Variants in AKAP13 observed in about 807,000 individuals in gnomAD.
AKAP13 encodes the protein A-kinase anchor protein 13.
AKAP13 carries 80 observed loss-of-function variants against 264.5 expected under a neutral mutation model. The observed-to-expected ratio is 0.30, with a 90% CI of 0.25 to 0.36. AKAP13 has a LOEUF of 0.36. AKAP13 is among the 10% of genes least tolerant of loss of function. AKAP13 has a pLI of 1.00. For synonymous variants in AKAP13, 1,380 were observed against 1,250.2 expected (o/e 1.10, Z -2.19); for missense variants, 3,712 against 3,435.2 (o/e 1.08, Z -2.01).
chr15:85,684,621 G>T, intron 15 of AKAP13, 120 bp from the exon 16 acceptor site: 1 of 1,019,490 alleles, frequency 9.8e-7, no homozygotes, highest in Non-Finnish European at 1.4e-6. Flanking sequence ...CAGAACCTGG[G>T]CGTTGTGGCA....
intron 30 of AKAP13, among the ~76,000 whole-genome samples, chr15:85,730,975 G>GT (rs915156011): frequency 1.2e-4 from 12 of 103,988 alleles, no homozygotes; most frequent in African/African-American, 4.4e-4. Flanking sequence ...TATTCTGACT[G>GT]TTTTTTAATT....
intron 1 of AKAP13, among the ~76,000 whole-genome samples, chr15:85,406,231 C>T (rs1226681521): frequency 2.6e-5 from 4 of 152,140 alleles, no homozygotes; most frequent in South Asian, 4.1e-4. Flanking sequence ...GCACACCCCA[C>T]GGTAGTGCAG....
rs150716778 is a variant in AKAP13 at position 85,530,153 on chromosome 15, C to G, written c.182-3431C>G. Among the ~76,000 whole-genome samples the G allele has an allele frequency of 1.5e-4, 23 of 152,258 alleles. No individual in the cohort carries two copies. In the East Asian group the frequency reaches 4.2e-3, roughly 28 times the overall value. On this transcript the variant is annotated intron_variant, in intron 3 of 36. Transcript: ENST00000394518. Reference sequence around the variant, plus strand: ...GAAAGAGATAAGCATACTGTTGTTGCCAAGCACAACCCCCGCGCCCCAACA... The same window carrying G: ...GAAAGAGATAAGCATACTGTTGTTGGCAAGCACAACCCCCGCGCCCCAACA...
chr15:85,737,007 C>G (rs1340784030), intron 33 of AKAP13, among the ~76,000 whole-genome samples: 2 of 143,152 alleles, frequency 1.4e-5, no homozygotes, highest in East Asian at 4.4e-4. Flanking sequence ...CAACCTCCAT[C>G]TCCTGGATTC....
intron 12 of AKAP13, among the ~76,000 whole-genome samples, chr15:85,661,026 G>A (rs769347252): frequency 1.6e-4 from 24 of 152,118 alleles, no homozygotes; most frequent in African/African-American, 2.4e-4. Flanking sequence ...GGAGGGAGCC[G>A]AGTGGTTTTA....
chr15:85,499,754 C>T (rs1390112084), intron 2 of AKAP13, among the ~76,000 whole-genome samples: 2 of 152,092 alleles, frequency 1.3e-5, no homozygotes, highest in African/African-American at 4.8e-5. Context: ...AGCTTTCATC[C>T]TCCTGTGGAT....
chr15:85,487,998 A>C (rs1488769942), intron 2 of AKAP13, among the ~76,000 whole-genome samples: 1 of 152,206 alleles, frequency 6.6e-6, no homozygotes, highest in Admixed American at 6.5e-5. Context: ...CCCAGGCTCA[A>C]ATGCTCTTCC....
intron 5 of AKAP13, among the ~76,000 whole-genome samples, chr15:85,547,522 C>A (rs2077795644): frequency 1.3e-5 from 2 of 150,636 alleles, no homozygotes. Flanking sequence ...TAAATCCTAC[C>A]AGATAGTAAT....
chr15:85,460,818 G>A (rs2150999332), intron 1 of AKAP13, among the ~76,000 whole-genome samples: 1 of 152,306 alleles, frequency 6.6e-6, no homozygotes, highest in South Asian at 2.1e-4. Context: ...CCCACTAGAA[G>A]CTGCAATAAA....
At chr15:85,677,186 A>G (rs1036409544) in intron 14 of AKAP13, 3 of 958,258 alleles carry the variant, frequency 3.1e-6, no homozygotes, top group African/African-American at 1.8e-5. Context: ...AAGAAATTGT[A>G]TGGGGGCTTT....
Position 85,580,722 on chromosome 15 carries a change from A to G in AKAP13, c.2654A>G (p.Asn885Ser). 2 of 1,614,202 alleles carry G rather than the reference A, an allele frequency of 1.2e-6. No individual in the cohort carries two copies. The highest frequency in any genetic ancestry group is 1.1e-5 in the South Asian group (1 of 91,082). Reference protein sequence around the residue: ...PAPPAIPEALNIKGNTDSSLQ... With the variant: ...PAPPAIPEALSIKGNTDSSLQ... ...CCTCCAGCAATCCCAGAAGCTCTGA[A>G]TATCAAGGGGAACACTGACTCTTCC... The change falls in exon 7 of 37, where the codon AAT becomes AGT. Residue 885 changes from asparagine to serine, a missense_variant. Transcript: ENST00000394518.
chr15:85,535,455 G>A (rs10520590), intron 4 of AKAP13: 1 of 151,966 alleles, frequency 6.6e-6, no homozygotes, highest in Non-Finnish European at 1.5e-5. Flanking sequence ...TTTAAGTATA[G>A]TGTCCAAGAA....
At chr15:85,423,707 G>T (rs979821863) in intron 1 of AKAP13, among the ~76,000 whole-genome samples, 3 of 152,200 alleles carry the variant, frequency 2.0e-5, no homozygotes, top group Non-Finnish European at 2.9e-5. Context: ...ATGGCATCTA[G>T]AATGGTGAAT....
chr15:85,481,010 C>T (rs2075336265), intron 1 of AKAP13: 1 of 152,166 alleles, frequency 6.6e-6, no homozygotes, highest in Non-Finnish European at 1.5e-5. Flanking sequence ...CACACTGTTT[C>T]TCTGGCTTAT....
Position 85,741,466 on chromosome 15 carries a change from C to T in AKAP13, c.8029C>T (p.Gln2677Ter), listed in dbSNP as rs1299707732. The T allele has an allele frequency of 6.2e-7, 1 of 1,602,804 alleles. No individual in the cohort carries two copies. Among genetic ancestry groups the T allele is most frequent in the Non-Finnish European group, 8.5e-7 (1 of 1,172,052 alleles). ...GCGCCGGGAGGCAGAGCGGCTCAGC[C>T]AGCGGCAGACAGAACGGGACCTGTG... ...QLRREAERLS[Q>*]RQTERDLCQV... is the part of the protein sequence containing the mutation. Residue 2677 changes from glutamine (Q) to a stop codon, truncating the protein, a stop_gained, in exon 35 of 37, where the codon CAG becomes TAG. Transcript: ENST00000394518. LOFTEE classifies it high-confidence loss of function.
At chr15:85,589,770 A>C (rs1299740770) in intron 8 of AKAP13, among the ~76,000 whole-genome samples, 1 of 151,574 alleles carries the variant, frequency 6.6e-6, no homozygotes, top group Non-Finnish European at 1.5e-5. Context: ...AAAAGAGTTA[A>C]TATCCCACTG....
intron 8 of AKAP13, among the ~76,000 whole-genome samples, chr15:85,586,572 C>G (rs898054019): frequency 6.6e-6 from 1 of 152,004 alleles, no homozygotes; most frequent in African/African-American, 2.4e-5. Flanking sequence ...GAGATTTTTA[C>G]TTTATAGCTC....
chr15:85,484,082 T>G (rs1352734515), intron 1 of AKAP13, among the ~76,000 whole-genome samples: 2 of 152,090 alleles, frequency 1.3e-5, no homozygotes, highest in Non-Finnish European at 2.9e-5. Context: ...GGTCCATAAA[T>G]TTATAGGTTC....
chr15:85,504,222 C>T (rs2076121163), intron 2 of AKAP13, among the ~76,000 whole-genome samples: 1 of 152,092 alleles, frequency 6.6e-6, no homozygotes, highest in South Asian at 2.1e-4. Context: ...CAGAATGTCA[C>T]CTTTTCAATC....
Sources: gnomAD v4.1 joint callset for allele counts (sites outside exome capture counted in the v4.1 genomes callset) on GRCh38, gnomAD v4.1.1 for gene constraint, MANE v1.5 for transcripts, NCBI Gene and HGNC (gene_info 2026-07-23, HGNC 2026-07-21) for gene names.